Variants in LRP5 observed in about 807,000 individuals in gnomAD.
LRP5 encodes low-density lipoprotein receptor-related protein 5.
A neutral mutation model predicts 154.1 loss-of-function variants in LRP5; 62 were observed. That is an observed-to-expected ratio of 0.40 (90% CI 0.33 to 0.50). The LOEUF is 0.50. LRP5 is among the 20% of genes least tolerant of loss of function. LRP5 has a pLI of 0.55. For synonymous variants in LRP5, 966 were observed against 1,011.5 expected, an observed-to-expected ratio of 0.96 and a Z score of 0.85; for missense variants, 1,915 against 2,336.7, an observed-to-expected ratio of 0.82 and a Z score of 3.72.
intron 7 of LRP5, among the ~76,000 whole-genome samples, chr11:68,394,415 C>G (rs2098648047): frequency 6.8e-6 from 1 of 147,478 alleles, no homozygotes; most frequent in South Asian, 2.2e-4. Flanking sequence ...AGGAACTACA[C>G]TTGCTGGGGC....
intron 1 of LRP5, among the ~76,000 whole-genome samples, chr11:68,346,617 G>A (rs567787993): frequency 6.6e-6 from 1 of 152,228 alleles, no homozygotes; most frequent in Non-Finnish European, 1.5e-5. Context: ...GGTGAAGGTG[G>A]GAGTGTGGGG....
chr11:68,329,226 A>C (rs1414202572), intron 1 of LRP5, among the ~76,000 whole-genome samples: 1 of 152,218 alleles, frequency 6.6e-6, no homozygotes, highest in Admixed American at 6.5e-5. Context: ...CACCCAAGAT[A>C]TAAAATCTAG....
Position 68,368,321 on chromosome 11 carries a change from G to T in LRP5, c.1015+2619G>T, listed in dbSNP as rs143267192. 5.5e-4 allele frequency among the ~76,000 whole-genome samples: 84 copies of T among 152,340 alleles called. 1 individual carries two copies. Among genetic ancestry groups the T allele is most frequent in the African/African-American group, 1.9e-3 (81 of 41,590 alleles). ...GGCTGAGCCGGAGACTCCTGTACTG[G>T]GGGTGTGGCCGCCTGAGCCGGCAGG... On this transcript the variant is annotated intron_variant, in intron 5 of 22. Coordinates refer to ENST00000294304, the MANE Select transcript of LRP5 (RefSeq NM_002335.4).
intron 1 of LRP5, among the ~76,000 whole-genome samples, chr11:68,326,445 G>A (rs1355880676): frequency 6.6e-6 from 1 of 152,242 alleles, no homozygotes; most frequent in African/African-American, 2.4e-5. Flanking sequence ...CACTGCTGAA[G>A]GCAGGGCCAG....
chr11:68,435,642 C>T (rs1034688589), intron 18 of LRP5, among the ~76,000 whole-genome samples: 1 of 152,228 alleles, frequency 6.6e-6, no homozygotes, highest in Non-Finnish European at 1.5e-5. Flanking sequence ...ACACTGCCCA[C>T]CAGGCCCTAC....
chr11:68,400,337 A>G (rs1358616516), intron 7 of LRP5, among the ~76,000 whole-genome samples: 1 of 152,122 alleles, frequency 6.6e-6, no homozygotes, highest in South Asian at 2.1e-4. Flanking sequence ...TCCTTGCCTC[A>G]CTTCAGTTCA....
intron 1 of LRP5, among the ~76,000 whole-genome samples, chr11:68,343,743 C>T (rs1277514445): frequency 6.6e-6 from 1 of 152,172 alleles, no homozygotes; most frequent in Non-Finnish European, 1.5e-5. Flanking sequence ...TGCCCTCAGG[C>T]CTCAGTGCTG....
chr11:68,341,806 T>C (rs142183969), intron 1 of LRP5, among the ~76,000 whole-genome samples: 22 of 151,808 alleles, frequency 1.4e-4, no homozygotes, highest in African/African-American at 5.3e-4. Context: ...CACTTCACCC[T>C]GCACCATTTC....
In LRP5 at chr11:68,363,918, G is replaced by T; in HGVS notation, c.858G>T (p.Val286=). 6.2e-7 allele frequency: 1 copy of T among 1,611,950 alleles called. No individual in the cohort carries two copies. Among genetic ancestry groups the T allele is most frequent in the Non-Finnish European group, 8.5e-7 (1 of 1,179,470 alleles). The change falls in exon 4 of 23, where the codon GTG becomes GTT. Residue 286 remains valine (V), a synonymous_variant. Transcript: ENST00000294304. ...SALYSPMDIQ[V]LSQERQPFFH... ...TCTACTCACCCATGGACATCCAGGT[G>T]CTGAGCCAGGAGCGGCAGCCTTTCT...
intron 7 of LRP5, among the ~76,000 whole-genome samples, chr11:68,402,021 A>G (rs959112233): frequency 6.6e-6 from 1 of 152,150 alleles, no homozygotes; most frequent in Admixed American, 6.5e-5. Flanking sequence ...GTGCCATCCA[A>G]CAACAGATGA....
At chr11:68,428,604 C>A (rs1160824283) in intron 16 of LRP5, among the ~76,000 whole-genome samples, 1 of 151,692 alleles carries the variant, frequency 6.6e-6, no homozygotes, top group Admixed American at 6.6e-5. Flanking sequence ...GTCTGTGTTG[C>A]CTCTTATAAG....
chr11:68,377,993 A>G (rs1307231143), intron 5 of LRP5, among the ~76,000 whole-genome samples: 3 of 152,046 alleles, frequency 2.0e-5, no homozygotes, highest in Non-Finnish European at 4.4e-5. Context: ...GGGCCACTGG[A>G]CCTTTCCTGG....
At chr11:68,359,829 C>T (rs558869249) in intron 3 of LRP5, among the ~76,000 whole-genome samples, 4 of 151,344 alleles carry the variant, frequency 2.6e-5, no homozygotes, top group Non-Finnish European at 5.9e-5. Context: ...CTCTGTCCCC[C>T]TGGCTGGAGT....
At chr11:68,402,039 CT>C (rs2153162052) in intron 7 of LRP5, among the ~76,000 whole-genome samples, 1 of 152,306 alleles carries the variant, frequency 6.6e-6, no homozygotes, top group East Asian at 1.9e-4. Flanking sequence ...TGACCGAAGT[CT>C]TTGTTTCTTA....
chr11:68,304,354 G>A, the LRP5 span, among the ~76,000 whole-genome samples: 1 of 152,282 alleles, frequency 6.6e-6, no homozygotes, highest in Non-Finnish European at 1.5e-5. Flanking sequence ...TGTGCAGAGT[G>A]CAAGAGTGAA....
At chr11:68,445,581 A>T in intron 21 of LRP5, 1 of 1,315,602 alleles carries the variant, frequency 7.6e-7, no homozygotes, top group South Asian at 1.2e-5. Flanking sequence ...AGGGGCTCGG[A>T]TCTGGCTGTA....
intron 1 of LRP5, among the ~76,000 whole-genome samples, chr11:68,338,652 A>G (rs936010362): frequency 1.3e-5 from 2 of 152,128 alleles, no homozygotes; most frequent in African/African-American, 4.8e-5. Flanking sequence ...TGCGGGGTGT[A>G]CTGAGTTTGT....
At chr11:68,381,335 C>T (rs2098640146) in intron 5 of LRP5, among the ~76,000 whole-genome samples, 1 of 152,100 alleles carries the variant, frequency 6.6e-6, no homozygotes, top group Non-Finnish European at 1.5e-5. Flanking sequence ...GTCACGGGAG[C>T]CCTCTGCAGG....
rs138725642 is a variant in LRP5 at position 68,315,405 on chromosome 11, G to A, written c.91+2600G>A. On this transcript the variant is annotated intron_variant, in intron 1 of 22. Coordinates refer to ENST00000294304, the MANE Select transcript of LRP5 (RefSeq NM_002335.4). ...TCACTCACTCACCGCTGCAGCCCTC[G>A]GGGGCAGGAGTAGTTAGTTAGCACT... 1.8e-3 allele frequency among the ~76,000 whole-genome samples: 278 copies of A among 152,336 alleles called. 2 individuals are homozygous for A. Among genetic ancestry groups the A allele is most frequent in the African/African-American group, 6.4e-3 (265 of 41,574 alleles).
Sources: allele counts gnomAD v4.1 joint callset (sites outside exome capture counted in the v4.1 genomes callset), GRCh38; gene constraint gnomAD v4.1.1; transcripts MANE v1.5; gene names NCBI Gene and HGNC (gene_info 2026-07-23, HGNC 2026-07-21).